Variants in PRDM6 observed in about 807,000 individuals in gnomAD.
PRDM6 encodes the protein PR/SET domain 6.
A neutral mutation model predicts 60.8 loss-of-function variants in PRDM6; 25 were observed. That is an observed-to-expected ratio of 0.41 (90% CI 0.30 to 0.57). The LOEUF (loss-of-function observed/expected upper bound fraction) is 0.57, where lower values mean the gene tolerates loss of function less well. Among genes scored for constraint, PRDM6 ranks in the 20% least tolerant of loss-of-function variants. PRDM6 has a pLI of 0.27. For missense variants in PRDM6, 839 were observed against 821.3 expected (o/e 1.02, Z -0.26); for synonymous variants, 407 against 357.4 (o/e 1.14, Z -1.57).
intron 3 of PRDM6, among the ~76,000 whole-genome samples, chr5:123,144,501 A>C (rs1224126999): frequency 6.6e-6 from 1 of 152,118 alleles, no homozygotes; most frequent in Non-Finnish European, 1.5e-5. Context: ...GAAGAGAAGC[A>C]CTGAGGCATG....
At chr5:123,186,648 CTT>C (rs1469712771) in intron 7 of PRDM6, among the ~76,000 whole-genome samples, 1 of 152,208 alleles carries the variant, frequency 6.6e-6, no homozygotes, top group Non-Finnish European at 1.5e-5. Context: ...GATGTACACT[CTT>C]TGGCTGCTGT....
chr5:123,185,539 G>A (rs1182835440), intron 7 of PRDM6, among the ~76,000 whole-genome samples: 3 of 152,262 alleles, frequency 2.0e-5, no homozygotes, highest in Middle Eastern at 3.4e-3. Context: ...TTTTCATTGA[G>A]CTGATAGGTC....
intron 5 of PRDM6, among the ~76,000 whole-genome samples, chr5:123,164,107 T>C (rs1397509565): frequency 1.3e-5 from 2 of 152,020 alleles, no homozygotes; most frequent in African/African-American, 4.8e-5. Flanking sequence ...GGAAGCGTTG[T>C]GATGGGTGCA....
At chr5:123,092,470 T>G (rs1329032662) in intron 2 of PRDM6, among the ~76,000 whole-genome samples, 1 of 152,122 alleles carries the variant, frequency 6.6e-6, no homozygotes, top group Admixed American at 6.5e-5. Context: ...AATTAATACG[T>G]TTTCACCAGA....
At chr5:123,173,459 G>A (rs1216619285) in intron 6 of PRDM6, 1 of 166,970 alleles carries the variant, frequency 6.0e-6, no homozygotes, top group Non-Finnish European at 1.5e-5. Context: ...GTCCAAGTGT[G>A]GAATTGCCAG....
intron 2 of PRDM6, among the ~76,000 whole-genome samples, chr5:123,092,372 A>C (rs1308394749): frequency 6.6e-6 from 1 of 152,202 alleles, no homozygotes; most frequent in Non-Finnish European, 1.5e-5. Context: ...CTTCTGAATT[A>C]AATATATGCT....
chr5:123,151,231 G>A (rs1055294937), intron 3 of PRDM6, among the ~76,000 whole-genome samples: 1 of 152,234 alleles, frequency 6.6e-6, no homozygotes, highest in African/African-American at 2.4e-5. Flanking sequence ...GCCAGGGTTG[G>A]GAGCATGGGA....
chr5:123,116,089 C>G (rs1374133143), intron 3 of PRDM6, among the ~76,000 whole-genome samples: 1 of 152,148 alleles, frequency 6.6e-6, no homozygotes, highest in Non-Finnish European at 1.5e-5. Context: ...AGGGAGTGCT[C>G]CGTGCTGCCT....
At chr5:123,166,462 C>T (rs2897734) in intron 5 of PRDM6, among the ~76,000 whole-genome samples, 40,391 of 150,816 alleles carry the variant, frequency 0.27, 5,821 homozygotes, top group East Asian at 0.58. Context: ...TTTTATTTTA[C>T]ATTTTAATCT....
rs147482639 is a variant in PRDM6, at chr5:123,168,241, C to T, written c.1154-2525C>T. On this transcript the variant is annotated intron_variant, in intron 5 of 7. Coordinates refer to ENST00000407847, the MANE Select transcript of PRDM6 (RefSeq NM_001136239.4). ...AAAGACATACATACAAACATACGTA[C>T]GTAGGTGTATATAAGTATATGTATA... is the stretch of plus-strand genomic sequence containing the variant. Among the ~76,000 whole-genome samples the T allele has an allele frequency of 2.4e-3, 364 of 152,002 alleles. 3 individuals carry two copies. Among genetic ancestry groups the T allele is most frequent in the African/African-American group, 8.1e-3 (334 of 41,440 alleles).
Position 123,159,618 on chromosome 5 carries a change from G to C in PRDM6, c.1133G>C (p.Cys378Ser). Reference protein sequence around the residue: ...YTSFFGIPLQCIAQDENLNVP... With the variant: ...YTSFFGIPLQSIAQDENLNVP... ...TCTTTCTTTGGGATCCCCTTACAAT[G>C]CATTGCCCAGGATGAAAACTGTAAG... Residue 378 changes from cysteine (C) to serine (S), a missense_variant, in exon 5 of 8, where the codon TGC (cysteine) becomes TCC (serine). Coordinates refer to ENST00000407847, the MANE Select transcript of PRDM6 (RefSeq NM_001136239.4). 6.4e-7 allele frequency: 1 copy of C among 1,551,538 alleles called. No homozygotes were observed. Among genetic ancestry groups the C allele is most frequent in the Non-Finnish European group, 8.7e-7 (1 of 1,146,756 alleles).
chr5:123,170,740 C>T, intron 5 of PRDM6, 26 bp from the exon 6 acceptor site: 3 of 1,461,996 alleles, frequency 2.1e-6, no homozygotes, highest in Non-Finnish European at 1.9e-6. Context: ...TAAAACTGTT[C>T]TTCTAAACTG....
At chr5:123,142,516 T>C (rs1765127851) in intron 3 of PRDM6, among the ~76,000 whole-genome samples, 1 of 152,178 alleles carries the variant, frequency 6.6e-6, no homozygotes, top group South Asian at 2.1e-4. Flanking sequence ...TTCTATTGAA[T>C]GAGCTAATTT....
At chr5:123,147,279 A>AAG (rs3036135) in intron 3 of PRDM6, among the ~76,000 whole-genome samples, 3,210 of 147,506 alleles carry the variant, frequency 0.022, 49 homozygotes, top group African/African-American at 0.043. Flanking sequence ...TGATACTAAA[A>AAG]AGAGAGAGAG....
intron 3 of PRDM6, among the ~76,000 whole-genome samples, chr5:123,104,994 T>G (rs1764173516): frequency 1.3e-5 from 2 of 151,988 alleles, no homozygotes; most frequent in African/African-American, 4.8e-5. Context: ...AAAAAAAAAT[T>G]ATAACAGCCA....
intron 3 of PRDM6, among the ~76,000 whole-genome samples, chr5:123,125,594 G>T (rs1196507286): frequency 6.6e-6 from 1 of 152,192 alleles, no homozygotes; most frequent in African/African-American, 2.4e-5. Flanking sequence ...TGCTTGATAG[G>T]TTCAAGGCAG....
rs565965292 is a variant in PRDM6, at chr5:123,188,660, C to T, written c.*1459C>T. 126 of 152,302 alleles carry T rather than the reference C, an allele frequency of 8.3e-4. No individual in the cohort carries two copies. Among genetic ancestry groups the T allele is most frequent in the African/African-American group, 2.9e-3 (121 of 41,560 alleles). 9.4% of individuals were successfully genotyped at this position (152,302 alleles called of 1,614,324 possible). A position where few individuals can be genotyped will look rare whatever the true frequency, so the allele number is the denominator to read the frequency against. On this transcript the variant is annotated 3_prime_UTR_variant, in exon 8 of 8. Transcript: ENST00000407847. Reference sequence around the variant, plus strand: ...TCATCACCTGATATCAGGACACAGTCTTTTAAGGAACTCCTTGTCTTTGAG... The same window carrying T: ...TCATCACCTGATATCAGGACACAGTTTTTTAAGGAACTCCTTGTCTTTGAG...
chr5:123,128,600 A>G (rs971046806), intron 3 of PRDM6, among the ~76,000 whole-genome samples: 1 of 152,104 alleles, frequency 6.6e-6, no homozygotes, highest in Non-Finnish European at 1.5e-5. Flanking sequence ...TCCTTTGCCC[A>G]CTTGTTGATG....
At chr5:123,168,277 A>C (rs113303862) in intron 5 of PRDM6, among the ~76,000 whole-genome samples, 2,489 of 152,306 alleles carry the variant, frequency 0.016, 81 homozygotes, top group African/African-American at 0.057. Context: ...ACGTAAGTAT[A>C]TATAACATGT....
Sources: gnomAD v4.1 joint callset for allele counts (sites outside exome capture counted in the v4.1 genomes callset) on GRCh38, gnomAD v4.1.1 for gene constraint, MANE v1.5 for transcripts, NCBI Gene and HGNC (gene_info 2026-07-23, HGNC 2026-07-21) for gene names.